Variants in TMEM131 observed in about 807,000 individuals in gnomAD.
TMEM131 encodes transmembrane protein 131.
In TMEM131, 66 loss-of-function variants were observed where a neutral mutation model predicts 211.6. That is an observed-to-expected ratio of 0.31 (90% CI 0.26 to 0.38). The LOEUF (loss-of-function observed/expected upper bound fraction) is 0.38, where lower values mean the gene tolerates loss of function less well. Ranked by LOEUF, TMEM131 falls within the 10% of genes least tolerant of loss-of-function variation. TMEM131 has a pLI of 1.00. For synonymous variants in TMEM131, 844 were observed against 841.3 expected (o/e 1.00, Z -0.06); for missense variants, 2,036 against 2,299.3 (o/e 0.89, Z 2.34).
At chr2:97,931,428 A>G (rs1468540898) in intron 1 of TMEM131, among the ~76,000 whole-genome samples, 1 of 152,256 alleles carries the variant, frequency 6.6e-6, no homozygotes, top group African/African-American at 2.4e-5. Flanking sequence ...GATTAAAAAT[A>G]TCTTTCACTT....
Position 97,774,163 on chromosome 2 carries a change from C to T in TMEM131, c.4320+1680G>A, listed in dbSNP as rs560794327. 2.6e-5 allele frequency among the ~76,000 whole-genome samples: 4 copies of T among 152,362 alleles called. No individual in the cohort carries two copies. In the South Asian group the frequency reaches 8.3e-4, roughly 32 times the overall value. ...TCCCTGGCTCACATATCGTTTGAAA[C>T]TACTTTGAGTTATTCATGAAGTCTT... On this transcript the variant is annotated intron_variant, in intron 32 of 40. Transcript: ENST00000186436.
intron 1 of TMEM131, among the ~76,000 whole-genome samples, chr2:97,938,505 C>T (rs1351737205): frequency 6.6e-6 from 1 of 152,162 alleles, no homozygotes; most frequent in Non-Finnish European, 1.5e-5. Flanking sequence ...TGCACCAATA[C>T]AGGAGCACCC....
chr2:97,993,746 A>G (rs1198399640), intron 1 of TMEM131, among the ~76,000 whole-genome samples: 1 of 152,236 alleles, frequency 6.6e-6, no homozygotes, highest in Non-Finnish European at 1.5e-5. Context: ...TGGGTATTAG[A>G]GAGGTGCACT....
chr2:97,834,948 T>A (rs1210974403), intron 8 of TMEM131, 23 bp from the exon 9 acceptor site: 1 of 1,612,078 alleles, frequency 6.2e-7, no homozygotes, highest in South Asian at 1.1e-5. Flanking sequence ...CAGACCATAA[T>A]GTAGCACAGC....
chr2:97,815,147 T>C (rs1161069139), intron 13 of TMEM131, 52 bp downstream of exon 13: 1 of 1,018,438 alleles, frequency 9.8e-7, no homozygotes, highest in Non-Finnish European at 1.4e-6. Flanking sequence ...CAGGAAAATA[T>C]AATTTACTGA....
At chr2:97,908,614 G>A (rs1360812966) in intron 3 of TMEM131, 44 bp downstream of exon 3, 3 of 1,480,542 alleles carry the variant, frequency 2.0e-6, no homozygotes, top group South Asian at 1.2e-5. Context: ...GAATCCCCCA[G>A]AAGGAACCGA....
At chr2:97,830,132 TAAAAAAAAAAA>T (rs60531384) in intron 11 of TMEM131, among the ~76,000 whole-genome samples, 31 of 72,350 alleles carry the variant, frequency 4.3e-4, no homozygotes, top group Non-Finnish European at 7.8e-4. Context: ...CATTATCAGT[TAAAAAAAAAAA>T]AAAAAAAAAA....
At chr2:97,908,335 T>C (rs1676156544) in intron 3 of TMEM131, among the ~76,000 whole-genome samples, 1 of 152,004 alleles carries the variant, frequency 6.6e-6, no homozygotes, top group African/African-American at 2.4e-5. Flanking sequence ...GCAGCAGTGG[T>C]CAGTACATCA....
At position 97,864,293 on chromosome 2, in the gene TMEM131, G is replaced by A. The variant is rs372101706; in HGVS notation, c.360-4866C>T. Among the ~76,000 whole-genome samples, 10 of 152,070 alleles carry A rather than the reference G, an allele frequency of 6.6e-5. No homozygotes were observed. The South Asian group carries it at 8.3e-4, about 13-fold the overall frequency. On this transcript the variant is annotated intron_variant, in intron 4 of 40. Coordinates refer to ENST00000186436, the MANE Select transcript of TMEM131 (RefSeq NM_015348.2). ...ATACGTATAAAGAAACTGAAAGTAT[G>A]GATAAGACCTAGCATTTCCTAGCAC...
chr2:97,884,321 G>C (rs1014377544), intron 4 of TMEM131, among the ~76,000 whole-genome samples: 1 of 152,160 alleles, frequency 6.6e-6, no homozygotes, highest in Admixed American at 6.5e-5. Flanking sequence ...ATTTTTTTGA[G>C]ATTCATTTTG....
At chr2:97,924,234 T>C (rs1464189710) in intron 2 of TMEM131, among the ~76,000 whole-genome samples, 1 of 151,784 alleles carries the variant, frequency 6.6e-6, no homozygotes, top group African/African-American at 2.4e-5. Flanking sequence ...ATACAAAAAA[T>C]TGGATGGGTA....
chr2:97,887,906 C>T, intron 4 of TMEM131, 146 bp downstream of exon 4: 1 of 598,264 alleles, frequency 1.7e-6, no homozygotes, highest in Non-Finnish European at 2.9e-6. Context: ...CATTTTCAAA[C>T]TGCATTCAGT....
At chr2:97,982,607 T>C (rs765015659) in intron 1 of TMEM131, among the ~76,000 whole-genome samples, 3 of 152,208 alleles carry the variant, frequency 2.0e-5, no homozygotes, top group African/African-American at 7.2e-5. Context: ...ATGTCTGTGG[T>C]AGGCTGAATA....
At chr2:97,851,659 T>G (rs114525773) in intron 5 of TMEM131, among the ~76,000 whole-genome samples, 1 of 152,244 alleles carries the variant, frequency 6.6e-6, no homozygotes. Flanking sequence ...TTATTATATC[T>G]GCATGGTGAT....
intron 33 of TMEM131, among the ~76,000 whole-genome samples, chr2:97,771,798 T>C (rs913663582): frequency 6.6e-6 from 1 of 152,254 alleles, no homozygotes; most frequent in Non-Finnish European, 1.5e-5. Flanking sequence ...GAACTGGAGT[T>C]ATTTAATGGT....
At chr2:97,783,877 A>G (rs1389292163) in intron 31 of TMEM131, among the ~76,000 whole-genome samples, 1 of 152,102 alleles carries the variant, frequency 6.6e-6, no homozygotes, top group African/African-American at 2.4e-5. Context: ...CTTCAAATAC[A>G]ATGATATAGG....
chr2:97,890,507 G>A (rs1161871401), intron 3 of TMEM131, among the ~76,000 whole-genome samples: 3 of 152,214 alleles, frequency 2.0e-5, no homozygotes, highest in Non-Finnish European at 2.9e-5. Flanking sequence ...GAAGTGGGAA[G>A]AGGTAGATTT....
At chr2:97,849,649 T>C (rs1345813695) in intron 5 of TMEM131, among the ~76,000 whole-genome samples, 1 of 151,312 alleles carries the variant, frequency 6.6e-6, no homozygotes, top group African/African-American at 2.4e-5. Context: ...ATATAAAATA[T>C]ATATTAAATA....
chr2:97,972,339 C>T (rs1026771107), intron 1 of TMEM131, among the ~76,000 whole-genome samples: 2 of 151,492 alleles, frequency 1.3e-5, no homozygotes, highest in African/African-American at 4.9e-5. Flanking sequence ...ATCTTAAAAG[C>T]AAGACCCCCC....
Sources: allele counts gnomAD v4.1 joint callset (sites outside exome capture counted in the v4.1 genomes callset), GRCh38; gene constraint gnomAD v4.1.1; transcripts MANE v1.5; gene names NCBI Gene and HGNC (gene_info 2026-07-23, HGNC 2026-07-21).